Variants in MAPK10 observed in about 807,000 individuals in gnomAD.
MAPK10 encodes the protein mitogen-activated protein kinase 10, also known as JNK3 alpha protein kinase.
In MAPK10, 25 loss-of-function variants were observed where a neutral mutation model predicts 59.3. The observed-to-expected ratio is 0.42, with a 90% CI of 0.31 to 0.59. The LOEUF is 0.59. MAPK10 is among the 20% of genes least tolerant of loss of function. The pLI is 0.15. For synonymous variants in MAPK10, 190 were observed against 200.5 expected (o/e 0.95, Z 0.44); for missense variants, 351 against 568.9 (o/e 0.62, Z 3.90).
At chr4:86,571,776 T>C (rs566822974) in intron 1 of MAPK10, among the ~76,000 whole-genome samples, 2 of 152,110 alleles carry the variant, frequency 1.3e-5, no homozygotes, top group Non-Finnish European at 2.9e-5. Flanking sequence ...TGAATTTACT[T>C]GTCTATGGTA....
At chr4:86,216,594 G>A (rs1421028100) in intron 2 of MAPK10, among the ~76,000 whole-genome samples, 1 of 151,532 alleles carries the variant, frequency 6.6e-6, no homozygotes, top group Non-Finnish European at 1.5e-5. Context: ...TAATCCATAA[G>A]ATTAATCCCT....
chr4:86,311,035 T>C (rs1578062546), intron 2 of MAPK10, among the ~76,000 whole-genome samples: 1 of 141,882 alleles, frequency 7.0e-6, no homozygotes, highest in Non-Finnish European at 1.5e-5. Flanking sequence ...AGTTTTAAGT[T>C]ACACACACAC....
At position 86,013,498 on chromosome 4, in the gene MAPK10, A is replaced by ATG. The variant is rs1283543764; in HGVS notation, c.*3728_*3729dup. 1 of 152,212 alleles carries ATG rather than the reference A, an allele frequency of 6.6e-6. No homozygotes were observed. Among genetic ancestry groups the ATG allele is most frequent in the African/African-American group, 2.4e-5 (1 of 41,456 alleles). 9.4% of individuals were successfully genotyped at this position (152,212 alleles called of 1,614,324 possible). On this transcript the variant is annotated 3_prime_UTR_variant, in exon 14 of 14. Coordinates refer to ENST00000641462, the MANE Select transcript of MAPK10 (RefSeq NM_138982.4). ...CCTTACAGAGCATAATGCACTTAAGATGTGGCTTTTCATATGTTAAGAGAT... is the reference window on the plus strand; with the variant it reads ...CCTTACAGAGCATAATGCACTTAAGATGTGTGGCTTTTCATATGTTAAGAGAT...
chr4:86,219,317 G>A (rs1410771953), intron 2 of MAPK10, among the ~76,000 whole-genome samples: 1 of 152,096 alleles, frequency 6.6e-6, no homozygotes, highest in African/African-American at 2.4e-5. Context: ...CTACAAACTT[G>A]AGTCACAAGT....
At chr4:86,105,112 T>A (rs981512513) in intron 5 of MAPK10, among the ~76,000 whole-genome samples, 1 of 152,112 alleles carries the variant, frequency 6.6e-6, no homozygotes, top group Non-Finnish European at 1.5e-5. Context: ...TTTCAGTTGA[T>A]AAGAAATACA....
chr4:86,082,201 T>C (rs1315298453), intron 9 of MAPK10: 1 of 152,132 alleles, frequency 6.6e-6, no homozygotes, highest in Non-Finnish European at 1.5e-5. Flanking sequence ...TAACTCTGTG[T>C]GGAAAAGGAA....
chr4:86,045,358 A>G (rs531754963), intron 11 of MAPK10, among the ~76,000 whole-genome samples: 29 of 152,184 alleles, frequency 1.9e-4, no homozygotes, highest in African/African-American at 6.5e-4. Context: ...CGTTCATTTA[A>G]CACATATTTA....
chr4:86,584,292 A>C, intron 1 of MAPK10, among the ~76,000 whole-genome samples: 1 of 152,328 alleles, frequency 6.6e-6, no homozygotes, highest in African/African-American at 2.4e-5. Flanking sequence ...AGAGGGTATA[A>C]GCAGCAGCAG....
At chr4:86,027,607 C>G (rs1272783760) in intron 13 of MAPK10, 1 of 152,094 alleles carries the variant, frequency 6.6e-6, no homozygotes, top group African/African-American at 2.4e-5. Flanking sequence ...GTTACATGAT[C>G]TTGTCTTGAA....
intron 4 of MAPK10, among the ~76,000 whole-genome samples, chr4:86,129,809 G>A (rs1399959378): frequency 2.0e-5 from 3 of 152,028 alleles, no homozygotes; most frequent in Admixed American, 1.3e-4. Context: ...GGAACATGAG[G>A]CAGCAAACAT....
chr4:86,407,699 A>G (rs1331500516), intron 1 of MAPK10, among the ~76,000 whole-genome samples: 3 of 152,196 alleles, frequency 2.0e-5, no homozygotes, highest in African/African-American at 7.2e-5. Flanking sequence ...ATAAATTGTA[A>G]AAAGAATAAA....
intron 4 of MAPK10, among the ~76,000 whole-genome samples, chr4:86,144,105 G>C (rs974814120): frequency 1.3e-5 from 2 of 151,944 alleles, no homozygotes. Flanking sequence ...TGTGTTTAAG[G>C]GGGTAATTTT....
chr4:86,516,376 G>A (rs146681743), intron 1 of MAPK10, among the ~76,000 whole-genome samples: 1,771 of 152,076 alleles, frequency 0.012, 23 homozygotes, highest in Non-Finnish European at 0.019. Context: ...CTCTTTTTTG[G>A]TTCCATATGA....
chr4:86,428,683 T>C (rs1372886905), intron 1 of MAPK10, among the ~76,000 whole-genome samples: 2 of 152,202 alleles, frequency 1.3e-5, no homozygotes, highest in African/African-American at 2.4e-5. Context: ...AAAATAGAAA[T>C]GGTATATTTA....
chr4:86,052,423 C>T (rs557734600), intron 11 of MAPK10, among the ~76,000 whole-genome samples: 64 of 152,162 alleles, frequency 4.2e-4, no homozygotes, highest in African/African-American at 1.5e-3. Flanking sequence ...CTCCGAAGAT[C>T]TGAAAAAGCC....
At chr4:86,466,667 A>G (rs954254932) in intron 1 of MAPK10, among the ~76,000 whole-genome samples, 2 of 152,258 alleles carry the variant, frequency 1.3e-5, no homozygotes, top group African/African-American at 2.4e-5. Context: ...AGTCTTTCAC[A>G]GAACATGTAG....
upstream of MAPK10, among the ~76,000 whole-genome samples, chr4:86,361,270 G>A (rs1295067277): frequency 2.0e-5 from 3 of 152,266 alleles, no homozygotes; most frequent in South Asian, 2.1e-4. Context: ...AAAAAGGAAG[G>A]CTTGAGTGAG....
intron 1 of MAPK10, among the ~76,000 whole-genome samples, chr4:86,414,143 ATTTTGGTAATC>A (rs1745555899): frequency 1.3e-5 from 2 of 152,258 alleles, no homozygotes; most frequent in South Asian, 4.1e-4. Context: ...ACAATTGAAT[ATTTTGGTAATC>A]ATCCTAACAA....
At chr4:86,102,643 C>G (rs2055689451) in intron 6 of MAPK10, among the ~76,000 whole-genome samples, 2 of 152,190 alleles carry the variant, frequency 1.3e-5, no homozygotes, top group Non-Finnish European at 2.9e-5. Flanking sequence ...GCCTCAGCCT[C>G]CTGAATAGCT....
Sources: allele counts gnomAD v4.1 joint callset (sites outside exome capture counted in the v4.1 genomes callset), GRCh38; gene constraint gnomAD v4.1.1; transcripts MANE v1.5; gene names NCBI Gene and HGNC (gene_info 2026-07-23, HGNC 2026-07-21).